WNK1: variants seen among roughly 807,000 people sequenced by gnomAD.
The protein encoded by WNK1 is serine/threonine-protein kinase WNK1.
Under a neutral mutation model 222.8 loss-of-function variants are expected in WNK1, and 38 were observed. The ratio of observed to expected loss-of-function variants is 0.17; its 90% CI spans 0.13 to 0.22. The LOEUF is 0.22. Ranked by LOEUF, WNK1 falls within the 10% of genes least tolerant of loss-of-function variation. The pLI is 1.00. For missense variants in WNK1, 2,348 were observed against 2,918.4 expected, an observed-to-expected ratio of 0.80 and a Z score of 4.50; for synonymous variants, 1,090 against 1,092.9, an observed-to-expected ratio of 1.00 and a Z score of 0.05.
At chr12:867,598 A>T (rs1951781710) in intron 8 of WNK1, among the ~76,000 whole-genome samples, 2 of 152,226 alleles carry the variant, frequency 1.3e-5, no homozygotes, top group Admixed American at 6.5e-5. Flanking sequence ...TACAAAGTTT[A>T]ATTCTTCCAT....
intron 1 of WNK1, among the ~76,000 whole-genome samples, chr12:787,276 C>T (rs1944400275): frequency 6.6e-6 from 1 of 152,074 alleles, no homozygotes; most frequent in Non-Finnish European, 1.5e-5. Context: ...TATTGTAATC[C>T]TCTTGTGCAT....
Position 871,293 on chromosome 12 carries a change from C to G in WNK1, c.2168C>G (p.Ser723Cys). 1 of 1,614,220 alleles carries G rather than the reference C, an allele frequency of 6.2e-7. No individual in the cohort carries two copies. Among genetic ancestry groups the G allele is most frequent in the South Asian group, 1.1e-5 (1 of 91,090 alleles). Residue 723 changes from serine (S) to cysteine (C), a missense_variant, in exon 9 of 28, where the codon TCC becomes TGC. Transcript: ENST00000315939. The part of the protein sequence containing the change: ...VAQGQSQGQP[S>C]SSSLTGVSSS... ...CAGGGGCAGAGCCAGGGTCAGCCAT[C>G]CTCAAGTAGCTTAACAGGGGTTTCA... is the stretch of plus-strand genomic sequence containing the variant.
chr12:849,010 G>C (rs1349078750), intron 4 of WNK1, among the ~76,000 whole-genome samples: 1 of 152,100 alleles, frequency 6.6e-6, no homozygotes, highest in African/African-American at 2.4e-5. Flanking sequence ...CGTGGCACTT[G>C]TTTTCTAGCT....
intron 1 of WNK1, among the ~76,000 whole-genome samples, chr12:802,909 TAGATGG>T (rs2153994575): frequency 6.6e-6 from 1 of 152,332 alleles, no homozygotes; most frequent in South Asian, 2.1e-4. Flanking sequence ...TTCATAAAGT[TAGATGG>T]ATATGTTCAA....
Position 862,191 on chromosome 12 carries a change from C to T in WNK1, c.2060C>T (p.Thr687Ile), listed in dbSNP as rs1951270074. The change falls in exon 8 of 28, where the codon ACA (threonine) becomes ATA (isoleucine). Residue 687 changes from threonine (T) to isoleucine (I), a missense_variant. Physicochemically the swap from Thr to Ile is moderately conservative, Grantham distance 89 (BLOSUM62 -1). This residue lies in a region of WNK1 where 547 missense variants were observed against 558.3 expected (regional missense o/e 0.98). Transcript: ENST00000315939. Reference sequence around the variant, plus strand: ...TCCCAACATGAACAGGCACATTCTACAGGCACAGTCCCAGGGCATATACCT... The same window carrying T: ...TCCCAACATGAACAGGCACATTCTATAGGCACAGTCCCAGGGCATATACCT... ...YGSQHEQAHSTGTVPGHIPST... is the reference protein window; with the variant it reads ...YGSQHEQAHSIGTVPGHIPST... 2 of 1,614,094 alleles carry T rather than the reference C, an allele frequency of 1.2e-6. No homozygotes were observed. Among genetic ancestry groups the T allele is most frequent in the Non-Finnish European group, 1.7e-6 (2 of 1,179,984 alleles).
At chr12:806,983 C>G (rs1365522217) in intron 1 of WNK1, among the ~76,000 whole-genome samples, 2 of 152,158 alleles carry the variant, frequency 1.3e-5, no homozygotes, top group African/African-American at 4.8e-5. Flanking sequence ...TTCAAATCTT[C>G]TCGCTGGGCT....
At position 876,032 on chromosome 12, in the gene WNK1, C is replaced by T. The variant is rs141999262; in HGVS notation, c.2224-2180C>T. On this transcript the variant is annotated intron_variant, in intron 9 of 27. Transcript: ENST00000315939. ...TTCAGAGCACCTTTAGAATTGGCTA[C>T]ATGTGGTTTATCTTAGTTTGCAGAA... Among the ~76,000 whole-genome samples, 92 of 152,302 alleles carry T rather than the reference C, an allele frequency of 6.0e-4. 1 individual carries two copies. In the East Asian group the frequency reaches 0.017, roughly 29 times the overall value.
chr12:824,552 C>A (rs976442585), intron 2 of WNK1, among the ~76,000 whole-genome samples: 5 of 151,922 alleles, frequency 3.3e-5, no homozygotes, highest in Non-Finnish European at 7.4e-5. Flanking sequence ...AGATATGATT[C>A]CCTCCTGCTA....
In WNK1 at chr12:896,243, C is replaced by T. The variant is rs1954724271; in HGVS notation, c.5756C>T (p.Ser1919Leu). The part of the protein sequence containing the change: ...PNGITIPGIS[S>L]DVPESAHKTT... ...GGCATAACCATCCCTGGTATCTCTT[C>T]AGATGTGCCAGAGAGTGCCCACAAA... The change falls in exon 24 of 28, where the codon TCA becomes TTA. Residue 1919 changes from serine (S) to leucine (L), a missense_variant. Transcript: ENST00000315939. 6.2e-7 allele frequency: 1 copy of T among 1,614,190 alleles called. No individual in the cohort carries two copies. Among genetic ancestry groups the T allele is most frequent in the South Asian group, 1.1e-5 (1 of 91,078 alleles).
rs761795519 is a variant in WNK1 at position 868,278 on chromosome 12, A to G, written c.2140-2987A>G. 6.9e-6 allele frequency: 11 copies of G among 1,604,064 alleles called. No homozygotes were observed. The highest frequency in any genetic ancestry group is 9.4e-6 in the Non-Finnish European group (11 of 1,174,700). On this transcript the variant is annotated intron_variant, in intron 8 of 27. Coordinates refer to ENST00000315939, the MANE Select transcript of WNK1 (RefSeq NM_018979.4). ...TATTTTATTCCTCAGGAAGCAGTGTATGTAGCTGGGGTACATTACCAGGCC... is the reference window on the plus strand; with the variant it reads ...TATTTTATTCCTCAGGAAGCAGTGTGTGTAGCTGGGGTACATTACCAGGCC...
chr12:778,506 TTTTCAGTAGAGACAGGC>T (rs1943354124), intron 1 of WNK1, among the ~76,000 whole-genome samples: 1 of 152,130 alleles, frequency 6.6e-6, no homozygotes, highest in Middle Eastern at 3.4e-3. Flanking sequence ...AATTTTTATA[TTTTCAGTAGAGACAGGC>T]TTTCACCATG....
intron 4 of WNK1, among the ~76,000 whole-genome samples, chr12:840,240 G>C (rs1949518664): frequency 6.6e-6 from 1 of 150,800 alleles, no homozygotes; most frequent in Non-Finnish European, 1.5e-5. Context: ...TGATCCTCTT[G>C]CCTCAGCCTT....
At chr12:785,521 C>G (rs1944211668) in intron 1 of WNK1, among the ~76,000 whole-genome samples, 1 of 151,756 alleles carries the variant, frequency 6.6e-6, no homozygotes, top group Non-Finnish European at 1.5e-5. Context: ...CCTCAGCCTC[C>G]CGAGTAGCTG....
chr12:764,894 A>C (rs1941494266), intron 1 of WNK1, among the ~76,000 whole-genome samples: 1 of 147,272 alleles, frequency 6.8e-6, no homozygotes, highest in Admixed American at 6.7e-5. Flanking sequence ...GCTGGAGTGC[A>C]GTGGCGTGAT....
chr12:908,381 T>G, intron 27 of WNK1, 94 bp from the exon 28 acceptor site: 1 of 1,310,530 alleles, frequency 7.6e-7, no homozygotes, highest in Non-Finnish European at 1.1e-6. Flanking sequence ...TGTTCTGCTG[T>G]ATCTTACAGG....
In WNK1 at chr12:752,962, C is replaced by G. The variant is rs1939425892; in HGVS notation, c.-604C>G. 6.6e-6 allele frequency: 1 copy of G among 152,134 alleles called. No individual in the cohort carries two copies. The highest frequency in any genetic ancestry group is 1.5e-5 in the Non-Finnish European group (1 of 68,012). 9.4% of individuals were successfully genotyped at this position (152,134 alleles called of 1,614,324 possible). A position where few individuals can be genotyped will look rare whatever the true frequency, so the allele number is the denominator to read the frequency against. Reference sequence around the variant, plus strand: ...CTGGGCGATGGGCGACCTGTGAGGCCGGTCCCCATCGCTGGGGGCGCGTGT... The same window carrying G: ...CTGGGCGATGGGCGACCTGTGAGGCGGGTCCCCATCGCTGGGGGCGCGTGT... On this transcript the variant is annotated 5_prime_UTR_variant, in exon 1 of 28. Transcript: ENST00000315939.
At chr12:767,056 C>T (rs931148691) in intron 1 of WNK1, among the ~76,000 whole-genome samples, 2 of 152,070 alleles carry the variant, frequency 1.3e-5, no homozygotes, top group African/African-American at 4.8e-5. Flanking sequence ...GGATTACAGG[C>T]GTGAGCCACC....
At chr12:887,710 G>A (rs962018928) in intron 20 of WNK1, among the ~76,000 whole-genome samples, 30 of 152,220 alleles carry the variant, frequency 2.0e-4, no homozygotes, top group African/African-American at 7.0e-4. Context: ...AACTTTTTCC[G>A]CGAGTCCAGA....
At chr12:824,716 C>A (rs757990125) in intron 2 of WNK1, among the ~76,000 whole-genome samples, 1 of 151,874 alleles carries the variant, frequency 6.6e-6, no homozygotes, top group Non-Finnish European at 1.5e-5. Context: ...ATAAGATACC[C>A]TTTTGTTTAA....
Sources: gnomAD v4.1 joint callset for allele counts (sites outside exome capture counted in the v4.1 genomes callset) on GRCh38, gnomAD v4.1.1 for gene constraint, gnomAD v4.1.1 regional missense constraint, MANE v1.5 for transcripts, NCBI Gene and HGNC (gene_info 2026-07-23, HGNC 2026-07-21) for gene names.